The following CEP128 variants were observed in gnomAD, a reference collection of about 807,000 sequenced individuals.
CEP128 encodes the protein centrosomal protein 128.
CEP128 carries 132 observed loss-of-function variants against 156.7 expected under a neutral mutation model. The ratio of observed to expected loss-of-function variants is 0.84; its 90% confidence interval spans 0.73 to 0.97. The LOEUF (loss-of-function observed/expected upper bound fraction) is 0.97, where lower values mean the gene tolerates loss of function less well. Among genes scored for constraint, CEP128 ranks in the 50% least tolerant of loss-of-function variants. The pLI, the probability that CEP128 is intolerant of heterozygous loss-of-function variation, is 0.00. For missense variants in CEP128, 1,252 were observed against 1,281.9 expected, an observed-to-expected ratio of 0.98 and a Z score of 0.36; for synonymous variants, 469 against 448.9, an observed-to-expected ratio of 1.04 and a Z score of -0.57.
intron 12 of CEP128, among the ~76,000 whole-genome samples, chr14:80,833,340 G>A (rs1254230024): frequency 2.0e-5 from 3 of 151,228 alleles, no homozygotes; most frequent in Admixed American, 1.3e-4. Context: ...ATATATATTT[G>A]ATATGGAGAT....
At chr14:80,563,573 G>T (rs61981682) in intron 20 of CEP128, among the ~76,000 whole-genome samples, 3 of 113,152 alleles carry the variant, frequency 2.7e-5, no homozygotes, top group Non-Finnish European at 4.9e-5. Flanking sequence ...CACTCTTGTC[G>T]CCCAGGCTGG....
At chr14:80,815,349 T>C (rs1041588285) in intron 13 of CEP128, among the ~76,000 whole-genome samples, 3 of 152,118 alleles carry the variant, frequency 2.0e-5, no homozygotes, top group African/African-American at 7.2e-5. Flanking sequence ...GAAATGCAAA[T>C]TAAAACCACA....
rs533215643 is a variant in CEP128 at position 80,848,049 on chromosome 14, T to C, written c.763-7281A>G. ...GGGATGCAGCAACAAGCAAAGCAGG[T>C]AAGTCCCTGCCTCCATAAAGCCTGC... On this transcript the variant is annotated intron_variant, in intron 9 of 24. Transcript: ENST00000555265. 7.2e-5 allele frequency among the ~76,000 whole-genome samples: 11 copies of C among 152,256 alleles called. No homozygotes were observed. In the South Asian group the frequency reaches 2.1e-3, roughly 29 times the overall value.
Position 80,892,273 on chromosome 14 carries a change from A to G in CEP128, c.645+3445T>C, listed in dbSNP as rs537609971. Among the ~76,000 whole-genome samples the G allele has an allele frequency of 2.0e-5, 3 of 152,102 alleles. No individual in the cohort carries two copies. In the East Asian group the frequency reaches 5.8e-4, roughly 29 times the overall value. Reference sequence around the variant, plus strand: ...CAAACCCAAACAGATATGGTCAACTAATTTTTGACAGGGGCACCAATAGGA... The same window carrying G: ...CAAACCCAAACAGATATGGTCAACTGATTTTTGACAGGGGCACCAATAGGA... On this transcript the variant is annotated intron_variant, in intron 8 of 24. Coordinates refer to ENST00000555265, the MANE Select transcript of CEP128 (RefSeq NM_152446.5).
At chr14:80,743,397 A>T in intron 18 of CEP128, 130 bp from the exon 19 acceptor site, 1 of 675,954 alleles carries the variant, frequency 1.5e-6, no homozygotes, top group Non-Finnish European at 2.5e-6. Flanking sequence ...GCAAAATTTT[A>T]AAATATCCAT....
In CEP128 at chr14:80,569,615, T is replaced by C. The variant is rs955694889; in HGVS notation, c.2857-10313A>G. Among the ~76,000 whole-genome samples the C allele has an allele frequency of 3.3e-5, 5 of 152,338 alleles. No homozygotes were observed. The South Asian group carries it at 8.3e-4, about 25-fold the overall frequency. ...ATTTCAAATTCTACCAACAGAAATTTATTCTTTGAGGAAAAATTCAAAAAA... is the reference window on the plus strand; with the variant it reads ...ATTTCAAATTCTACCAACAGAAATTCATTCTTTGAGGAAAAATTCAAAAAA... On this transcript the variant is annotated intron_variant, in intron 20 of 24. Transcript: ENST00000555265.
At chr14:80,782,688 C>A (rs1180777105) in intron 15 of CEP128, among the ~76,000 whole-genome samples, 1 of 152,140 alleles carries the variant, frequency 6.6e-6, no homozygotes, top group Non-Finnish European at 1.5e-5. Context: ...CTGTTGAATG[C>A]TATATACTCT....
At chr14:80,619,250 A>G (rs1893359667) in intron 19 of CEP128, among the ~76,000 whole-genome samples, 1 of 152,196 alleles carries the variant, frequency 6.6e-6, no homozygotes, top group Admixed American at 6.5e-5. Context: ...ACACTCAAGG[A>G]AATGTTTATG....
intron 19 of CEP128, among the ~76,000 whole-genome samples, chr14:80,608,257 C>T (rs1339046751): frequency 6.6e-6 from 1 of 152,156 alleles, no homozygotes; most frequent in East Asian, 1.9e-4. Context: ...CTTTTCGCCT[C>T]CACTAGGATG....
intron 19 of CEP128, among the ~76,000 whole-genome samples, chr14:80,714,838 A>C (rs1256381765): frequency 6.6e-6 from 1 of 152,176 alleles, no homozygotes; most frequent in Non-Finnish European, 1.5e-5. Context: ...CAATCACTCA[A>C]ATATCATCTT....
At chr14:80,519,164 T>C (rs1157589718) in intron 23 of CEP128, among the ~76,000 whole-genome samples, 1 of 152,248 alleles carries the variant, frequency 6.6e-6, no homozygotes, top group African/African-American at 2.4e-5. Flanking sequence ...TTTTCATTGC[T>C]GTCCTAAGTC....
chr14:80,541,137 T>G (rs927076783), intron 21 of CEP128, among the ~76,000 whole-genome samples: 4 of 152,164 alleles, frequency 2.6e-5, no homozygotes, highest in Non-Finnish European at 4.4e-5. Context: ...GGCAAACAAT[T>G]TAACCCATGG....
chr14:80,812,632 G>A lies in CEP128; in HGVS notation c.1209+18511C>T, dbSNP rs566780816. On this transcript the variant is annotated intron_variant, in intron 13 of 24. Coordinates refer to ENST00000555265, the MANE Select transcript of CEP128 (RefSeq NM_152446.5). ...TGCCCAGGCTGGAGTGCAATGGCAC[G>A]ATCTCGGCTCACTGCAACCTCCATC... Among the ~76,000 whole-genome samples, 24 of 152,228 alleles carry A rather than the reference G, an allele frequency of 1.6e-4. No individual in the cohort carries two copies. In the East Asian group the frequency reaches 3.7e-3, roughly 23 times the overall value.
chr14:80,548,207 G>GC (rs1890067740), intron 21 of CEP128, among the ~76,000 whole-genome samples: 2 of 152,174 alleles, frequency 1.3e-5, no homozygotes, highest in African/African-American at 4.8e-5. Flanking sequence ...CATGTGCCTG[G>GC]CTATGGTGGA....
chr14:80,741,367 T>C (rs1017781180), intron 19 of CEP128, among the ~76,000 whole-genome samples: 12 of 152,186 alleles, frequency 7.9e-5, no homozygotes, highest in African/African-American at 2.7e-4. Flanking sequence ...TCTTTACTCT[T>C]GTCTTTGTTA....
chr14:80,741,925 C>A (rs909125913), intron 19 of CEP128, among the ~76,000 whole-genome samples: 2 of 152,002 alleles, frequency 1.3e-5, no homozygotes, highest in Non-Finnish European at 2.9e-5. Flanking sequence ...CTCGTATTTT[C>A]CTTATGGAAA....
At chr14:80,536,759 C>G (rs11621782) in intron 21 of CEP128, among the ~76,000 whole-genome samples, 1 of 152,024 alleles carries the variant, frequency 6.6e-6, no homozygotes, top group Non-Finnish European at 1.5e-5. Flanking sequence ...ACCGAAGTCA[C>G]GGTGTTGATG....
intron 19 of CEP128, among the ~76,000 whole-genome samples, chr14:80,678,059 T>TATATATATATAC (rs1352616684): frequency 4.8e-5 from 2 of 41,940 alleles, no homozygotes; most frequent in African/African-American, 8.1e-5. Context: ...AATATATATA[T>TATATATATATAC]ATATGTATAT....
chr14:80,793,242 T>C, intron 13 of CEP128, 132 bp from the exon 14 acceptor site: 1 of 649,402 alleles, frequency 1.5e-6, no homozygotes, highest in Non-Finnish European at 2.6e-6. Flanking sequence ...AGCAATCAAT[T>C]TAGAAATCAT....
Sources: allele counts gnomAD v4.1 joint callset (sites outside exome capture counted in the v4.1 genomes callset), GRCh38; gene constraint gnomAD v4.1.1; transcripts MANE v1.5; gene names NCBI Gene and HGNC (gene_info 2026-07-23, HGNC 2026-07-21).